SPIC: variants seen among roughly 807,000 people sequenced by gnomAD.
The protein encoded by SPIC is Spi-C transcription factor.
Under a neutral mutation model 16.7 loss-of-function variants are expected in SPIC, and 9 were observed. The observed-to-expected ratio is 0.54, with a 90% CI of 0.33 to 0.94. SPIC has a LOEUF of 0.94. Ranked by LOEUF, SPIC falls within the 40% of genes least tolerant of loss-of-function variation. The pLI is 0.03. For synonymous variants in SPIC, 97 were observed against 102.9 expected (o/e 0.94, Z 0.35); for missense variants, 241 against 285.8 (o/e 0.84, Z 1.13).
At position 101,486,708 on chromosome 12, in the gene SPIC, C is replaced by T; in HGVS notation, c.684C>T (p.Asn228=). 1.9e-6 allele frequency: 3 copies of T among 1,606,148 alleles called. No homozygotes were observed. The highest frequency in any genetic ancestry group is 2.6e-6 in the Non-Finnish European group (3 of 1,175,026). Residue 228 remains asparagine, a synonymous_variant, in exon 6 of 6, where the codon AAC becomes AAT. Transcript: ENST00000551346. ...QPDQEYLSLN[N]WNANYNYTYA... is the part of the protein sequence containing the mutation. ...ATCAAGAATATCTCAGTTTAAATAA[C>T]TGGAATGCAAATTATAATTATACAT...
chr12:101,484,435 C>T (rs1396305492), intron 5 of SPIC, among the ~76,000 whole-genome samples: 1 of 151,734 alleles, frequency 6.6e-6, no homozygotes, highest in Non-Finnish European at 1.5e-5. Context: ...ACTGGGGAGG[C>T]TGAGGTGGGA....
chr12:101,476,995 C>G, intron 2 of SPIC, 88 bp downstream of exon 2: 1 of 696,430 alleles, frequency 1.4e-6, no homozygotes, highest in Non-Finnish European at 2.2e-6. Context: ...TTTACTCTCC[C>G]TCCATTTTAA....
intron 4 of SPIC, among the ~76,000 whole-genome samples, chr12:101,481,305 G>A (rs955638732): frequency 6.6e-6 from 1 of 151,998 alleles, no homozygotes; most frequent in Non-Finnish European, 1.5e-5. Context: ...TCCTGCCTCA[G>A]CTTCCCAAGT....
Position 101,486,404 on chromosome 12 carries a change from C to T in SPIC, c.380C>T (p.Ala127Val), listed in dbSNP as rs563798035. 1 of 1,614,022 alleles carries T rather than the reference C, an allele frequency of 6.2e-7. No homozygotes were observed. Among genetic ancestry groups the T allele is most frequent in the Non-Finnish European group, 8.5e-7 (1 of 1,180,000 alleles). The change falls in exon 6 of 6, where the codon GCA becomes GTA. Residue 127 changes from alanine (A) to valine (V), a missense_variant. Transcript: ENST00000551346. ...LHESLYNPEM[A>V]SCIQWVDKTK... ...GAATCCCTGTATAATCCGGAGATGG[C>T]ATCTTGTATTCAGTGGGTAGATAAA...
In SPIC at chr12:101,482,889, A is replaced by C; in HGVS notation, c.308A>C (p.Lys103Thr). The C allele has an allele frequency of 6.2e-7, 1 of 1,613,680 alleles. No homozygotes were observed. The highest frequency in any genetic ancestry group is 1.7e-5 in the Admixed American group (1 of 59,972). Residue 103 changes from lysine (K) to threonine (T), a missense_variant, in exon 5 of 6, where the codon AAG (lysine) becomes ACG (threonine). Coordinates refer to ENST00000551346, the MANE Select transcript of SPIC (RefSeq NM_152323.3). ...GTACAACCCACTCTTCTCCAGCAAAAGGGGGGAAAAGGTACGTTGATCCAT... is the reference window on the plus strand; with the variant it reads ...GTACAACCCACTCTTCTCCAGCAAACGGGGGGAAAAGGTACGTTGATCCAT... ...QLVQPTLLQQ[K>T]GGKGRKKLRL... is the part of the protein sequence containing the mutation.
chr12:101,477,434 A>T, intron 2 of SPIC, 124 bp from the exon 3 acceptor site: 1 of 873,612 alleles, frequency 1.1e-6, no homozygotes, highest in South Asian at 1.6e-5. Flanking sequence ...GAGACAGCCA[A>T]CACCAAATGC....
chr12:101,486,844 CTT>C lies in SPIC; in HGVS notation c.*79_*80del, dbSNP rs1224252199. The C allele has an allele frequency of 7.9e-7, 1 of 1,272,204 alleles. No individual in the cohort carries two copies. The highest frequency in any genetic ancestry group is 2.4e-5 in the East Asian group (1 of 41,928). 78.8% of individuals were successfully genotyped at this position (1,272,204 alleles called of 1,614,324 possible). A position where few individuals can be genotyped will look rare whatever the true frequency, so the allele number is the denominator to read the frequency against. On this transcript the variant is annotated 3_prime_UTR_variant, in exon 6 of 6. Coordinates refer to ENST00000551346, the MANE Select transcript of SPIC (RefSeq NM_152323.3). ...GTTTTAATGATTTCTCCCTCCCTCT[CTT>C]TTTTTCCTCCTCTGAAGAAATTTAG...
At chr12:101,479,172 AAAAGAAAGAAAGAAAGAAAG>A (rs199501054) in intron 3 of SPIC, among the ~76,000 whole-genome samples, 8 of 82,934 alleles carry the variant, frequency 9.6e-5, no homozygotes, top group Admixed American at 7.5e-4. Context: ...GAAAGAAAGA[AAAAGAAAGAAAGAAAGAAAG>A]AAAGAAAGAA....
chr12:101,482,252 T>C (rs1257369399), intron 4 of SPIC, among the ~76,000 whole-genome samples: 6 of 149,404 alleles, frequency 4.0e-5, no homozygotes, highest in African/African-American at 7.4e-5. Context: ...AAAAAAATTG[T>C]AGAGGTGGGG....
chr12:101,479,422 A>G (rs905067283), intron 3 of SPIC, among the ~76,000 whole-genome samples, 160 bp from the exon 4 acceptor site: 23 of 152,208 alleles, frequency 1.5e-4, no homozygotes, highest in Admixed American at 6.5e-4. Flanking sequence ...AGTATCCATA[A>G]TAGCAGCATA....
chr12:101,477,824 C>T (rs1051457448), intron 3 of SPIC, among the ~76,000 whole-genome samples, 173 bp downstream of exon 3: 5 of 152,094 alleles, frequency 3.3e-5, no homozygotes, highest in African/African-American at 1.2e-4. Flanking sequence ...CAAGACCTGC[C>T]TGGCCAATAT....
rs1380784843 is a variant in SPIC, at chr12:101,480,176, C to CAT, written c.210+483_210+484insTA. Among the ~76,000 whole-genome samples the CAT allele has an allele frequency of 2.6e-4, 39 of 152,318 alleles. 1 individual carries two copies. The highest frequency in any genetic ancestry group is 2.4e-3 in the Admixed American group (36 of 15,298). ...GAACTTGACAGTCAACATGGATGAT[C>CAT]ACATGCTGTTAGGAAGGAAATAACC... On this transcript the variant is annotated intron_variant, in intron 4 of 5. Coordinates refer to ENST00000551346, the MANE Select transcript of SPIC (RefSeq NM_152323.3).
chr12:101,479,274 GAAAGAAAGAA>G (rs1873093338), intron 3 of SPIC, among the ~76,000 whole-genome samples: 3 of 85,028 alleles, frequency 3.5e-5, no homozygotes. Flanking sequence ...AAGAAAGAAA[GAAAGAAAGAA>G]AAAGAAAGAA....
At chr12:101,484,065 T>C (rs142202120) in intron 5 of SPIC, among the ~76,000 whole-genome samples, 304 of 151,468 alleles carry the variant, frequency 2.0e-3, no homozygotes, top group African/African-American at 6.8e-3. Context: ...AGAAGTATTA[T>C]ATACTCATGG....
intron 1 of SPIC, 25 bp from the exon 2 acceptor site, chr12:101,476,803 C>T (rs1872969228): frequency 4.1e-6 from 3 of 738,466 alleles, no homozygotes; most frequent in South Asian, 3.7e-5. Context: ...TTTAATTTTG[C>T]TTTTTAAATA....
chr12:101,479,307 AAAAGAAAGAAAGAAAGAAAGAAAG>A (rs5800473), intron 3 of SPIC, among the ~76,000 whole-genome samples: 9 of 88,166 alleles, frequency 1.0e-4, no homozygotes, highest in Non-Finnish European at 1.7e-4. Flanking sequence ...AAAGAAAGAA[AAAAGAAAGAAAGAAAGAAAGAAAG>A]AAAGAAAGAA....
intron 3 of SPIC, among the ~76,000 whole-genome samples, chr12:101,479,365 G>A (rs552016427): frequency 4.2e-5 from 6 of 143,220 alleles, no homozygotes; most frequent in East Asian, 2.2e-4. Context: ...GAAATCATGC[G>A]GTTTCAGCCT....
In SPIC at chr12:101,475,367, A is replaced by G. The variant is rs1377911088; in HGVS notation, c.-213A>G. 2 of 152,026 alleles carry G rather than the reference A, an allele frequency of 1.3e-5. No homozygotes were observed. Among genetic ancestry groups the G allele is most frequent in the Non-Finnish European group, 2.9e-5 (2 of 67,914 alleles). 9.4% of individuals were successfully genotyped at this position (152,026 alleles called of 1,614,324 possible). A position where few individuals can be genotyped will look rare whatever the true frequency, so the allele number is the denominator to read the frequency against. On this transcript the variant is annotated 5_prime_UTR_variant, in exon 1 of 6. Coordinates refer to ENST00000551346, the MANE Select transcript of SPIC (RefSeq NM_152323.3). ...TATGTCTTAACAATTCTAATTTTTA[A>G]AAAAAATATTACTATTTTTTTTCAT...
chr12:101,484,013 AT>A (rs561602923), intron 5 of SPIC, among the ~76,000 whole-genome samples: 4 of 151,128 alleles, frequency 2.6e-5, no homozygotes, highest in Non-Finnish European at 4.4e-5. Context: ...TTATTTTTTA[AT>A]TTTTTTGAAA....
Sources: allele counts gnomAD v4.1 joint callset (sites outside exome capture counted in the v4.1 genomes callset), GRCh38; gene constraint gnomAD v4.1.1; transcripts MANE v1.5; gene names NCBI Gene and HGNC (gene_info 2026-07-23, HGNC 2026-07-21).